The following KDM1B variants were observed in gnomAD, a reference collection of about 807,000 sequenced individuals.
KDM1B encodes the protein lysine-specific histone demethylase 2.
KDM1B carries 63 observed loss-of-function variants against 107.4 expected under a neutral mutation model. That is an observed-to-expected ratio of 0.59 (90% CI 0.48 to 0.72). KDM1B has a LOEUF of 0.72. Among genes scored for constraint, KDM1B ranks in the 30% least tolerant of loss-of-function variants. KDM1B has a pLI of 0.00. For missense variants in KDM1B, 749 were observed against 1,020.8 expected (o/e 0.73, Z 3.63); for synonymous variants, 363 against 363.9 (o/e 1.00, Z 0.03).
intron 10 of KDM1B, among the ~76,000 whole-genome samples, chr6:18,193,475 T>TG (rs1303396935): frequency 6.7e-6 from 1 of 149,262 alleles, no homozygotes; most frequent in African/African-American, 2.5e-5. Context: ...CCCAGCTAAT[T>TG]TTTTTTTTTA....
intron 6 of KDM1B, among the ~76,000 whole-genome samples, chr6:18,170,340 T>C (rs768460558): frequency 1.3e-5 from 2 of 152,228 alleles, no homozygotes; most frequent in East Asian, 3.8e-4. Flanking sequence ...GGCATAGTAC[T>C]AATAACTGTA....
rs142508501 is a variant in KDM1B at position 18,192,021 on chromosome 6, G to A, written c.969+640G>A. On this transcript the variant is annotated intron_variant, in intron 10 of 21. Coordinates refer to ENST00000650836, the MANE Select transcript of KDM1B (RefSeq NM_001364614.2). ...TGTCTGTAATTCCAGCACTTTGGGAGGCTGAGGCAGGAGGATCGCTTGAGC... is the reference window on the plus strand; with the variant it reads ...TGTCTGTAATTCCAGCACTTTGGGAAGCTGAGGCAGGAGGATCGCTTGAGC... 8.6e-3 allele frequency among the ~76,000 whole-genome samples: 1,313 copies of A among 152,286 alleles called. 16 individuals carry two copies. The highest frequency in any genetic ancestry group is 0.027 in the African/African-American group (1,114 of 41,562).
At chr6:18,177,685 A>T (rs1241710531) in intron 7 of KDM1B, among the ~76,000 whole-genome samples, 1 of 151,928 alleles carries the variant, frequency 6.6e-6, no homozygotes, top group Non-Finnish European at 1.5e-5. Flanking sequence ...CTGGGATTAC[A>T]GGCGTTAGCC....
rs537484760 is a variant in KDM1B, at chr6:18,177,545, C to CTATT, written c.534+6088_534+6091dup. On this transcript the variant is annotated intron_variant, in intron 7 of 21. Coordinates refer to ENST00000650836, the MANE Select transcript of KDM1B (RefSeq NM_001364614.2). The stretch of plus-strand genomic sequence containing the variant: ...TTTCTCTAGTTCCTTGAGGCCACAC[C>CTATT]TATTTATTTATTTATTTATTTATTT... Among the ~76,000 whole-genome samples the CTATT allele has an allele frequency of 9.7e-4, 147 of 151,164 alleles. 1 individual carries two copies. The highest frequency in any genetic ancestry group is 2.7e-3 in the African/African-American group (110 of 41,278).
chr6:18,162,990 T>C lies in KDM1B; in HGVS notation c.305+66T>C, dbSNP rs1253632268. The C allele has an allele frequency of 9.5e-6, 9 of 943,860 alleles. No individual in the cohort carries two copies. The Admixed American group carries it at 1.6e-4, about 16-fold the overall frequency. 58.5% of individuals were successfully genotyped at this position (943,860 alleles called of 1,614,324 possible). The stretch of plus-strand genomic sequence containing the variant: ...ACCGTGGCAGGGGCAGTGCGTGTGG[T>C]CAGCTGATTAAAGCTTAGTCTCGAG... On this transcript the variant is annotated intron_variant, in intron 5 of 21. Transcript: ENST00000650836. The surrounding 1 kb of genome is among the most constrained non-coding windows in gnomAD (Gnocchi z 4.1).
chr6:18,161,584 G>C (rs1469987005), intron 4 of KDM1B, 130 bp downstream of exon 4: 1 of 988,168 alleles, frequency 1.0e-6, no homozygotes, highest in African/African-American at 1.6e-5. Flanking sequence ...TAATAATAGA[G>C]ACATTGCCCA....
Position 18,215,058 on chromosome 6 carries a change from G to A in KDM1B, c.2161G>A (p.Val721Met), listed in dbSNP as rs1561956343. ...GATTGCCGGGGAGGCTGTCGCATCC[G>A]TGAGGACCCTGGATGACAAACAGGT... The part of the protein sequence containing the change: ...SVIAGEAVAS[V>M]RTLDDKQVLQ... Residue 721 changes from valine to methionine, a missense_variant, in exon 20 of 22, where the codon GTG becomes ATG. Physicochemically the swap from Val to Met is conservative, Grantham distance 21 (BLOSUM62 1). Transcript: ENST00000650836. 1.1e-5 allele frequency: 17 copies of A among 1,613,896 alleles called. No homozygotes were observed. The highest frequency in any genetic ancestry group is 1.3e-5 in the African/African-American group (1 of 74,944).
intron 20 of KDM1B, among the ~76,000 whole-genome samples, chr6:18,216,788 A>G (rs1472119145): frequency 8.5e-5 from 13 of 152,202 alleles, no homozygotes; most frequent in Admixed American, 1.3e-4. Flanking sequence ...ATAGCGTTAT[A>G]ATTGTTCTAT....
rs1789924484 is a variant in KDM1B, at chr6:18,223,340, G to GC, written c.*1354dup. 1 of 48,982 alleles carries GC rather than the reference G, an allele frequency of 2.0e-5. No homozygotes were observed. Among genetic ancestry groups the GC allele is most frequent in the Non-Finnish European group, 4.3e-5 (1 of 23,464 alleles). The allele number at this position is 48,982 out of a possible 1,614,324, so 3.0% of individuals were successfully genotyped here. A position where few individuals can be genotyped will look rare whatever the true frequency, so the allele number is the denominator to read the frequency against. Reference sequence around the variant, plus strand: ...ATTTAAGACACCTCCCCCACCGCCCGCCCCCCGCCCCCCCCAATCAAAGTG... The same window carrying GC: ...ATTTAAGACACCTCCCCCACCGCCCGCCCCCCCGCCCCCCCCAATCAAAGTG... On this transcript the variant is annotated 3_prime_UTR_variant, in exon 22 of 22. Coordinates refer to ENST00000650836, the MANE Select transcript of KDM1B (RefSeq NM_001364614.2).
rs931981325 is a variant in KDM1B, at chr6:18,205,490, A to C, written c.1532-47A>C. The stretch of plus-strand genomic sequence containing the variant: ...AAAGCAAAGGAGAAAGAATTGGAGA[A>C]TCTTGTTAAAGCTATTTTTTTCTGC... On this transcript the variant is annotated intron_variant, in intron 14 of 21. Transcript: ENST00000650836. The surrounding 1 kb of genome is among the most constrained non-coding windows in gnomAD (Gnocchi z 5.7). 6.5e-7 allele frequency: 1 copy of C among 1,527,380 alleles called. No individual in the cohort carries two copies. The highest frequency in any genetic ancestry group is 8.8e-7 in the Non-Finnish European group (1 of 1,134,252). The allele number at this position is 1,527,380 out of a possible 1,614,324, so 94.6% of individuals were successfully genotyped here.
chr6:18,158,381 A>T (rs1303819327), intron 2 of KDM1B, among the ~76,000 whole-genome samples: 1 of 150,680 alleles, frequency 6.6e-6, no homozygotes, highest in Non-Finnish European at 1.5e-5. Context: ...TGATGTTAGG[A>T]TGTGTCAAAG....
In KDM1B at chr6:18,213,827, T is replaced by C. The variant is rs753898192; in HGVS notation, c.2109+46T>C. 1.2e-6 allele frequency: 2 copies of C among 1,606,028 alleles called. No homozygotes were observed. Among genetic ancestry groups the C allele is most frequent in the Admixed American group, 1.7e-5 (1 of 59,900 alleles). ...TGGTTTGAATTTCCGTCTTAAAGTTTAGAATTTGATGTGATAATTACTCAC... is the reference window on the plus strand; with the variant it reads ...TGGTTTGAATTTCCGTCTTAAAGTTCAGAATTTGATGTGATAATTACTCAC... On this transcript the variant is annotated intron_variant, in intron 19 of 21. Coordinates refer to ENST00000650836, the MANE Select transcript of KDM1B (RefSeq NM_001364614.2). The surrounding 1 kb of genome is among the most constrained non-coding windows in gnomAD (Gnocchi z 5.9).
At chr6:18,194,719 CAAGT>C (rs961586765) in intron 10 of KDM1B, among the ~76,000 whole-genome samples, 5 of 151,630 alleles carry the variant, frequency 3.3e-5, no homozygotes, top group African/African-American at 1.2e-4. Context: ...GGCTGGTCTC[CAAGT>C]TTTGGGCTCA....
chr6:18,164,562 TA>T (rs1198444404), intron 5 of KDM1B, among the ~76,000 whole-genome samples: 1 of 152,228 alleles, frequency 6.6e-6, no homozygotes, highest in African/African-American at 2.4e-5. Flanking sequence ...ATTATTCACA[TA>T]AATATGGCTG....
At chr6:18,180,486 A>C (rs1786385344) in intron 7 of KDM1B, among the ~76,000 whole-genome samples, 1 of 152,212 alleles carries the variant, frequency 6.6e-6, no homozygotes, top group African/African-American at 2.4e-5. Flanking sequence ...TGATTCTAAA[A>C]GTTTTTTCAG....
intron 12 of KDM1B, among the ~76,000 whole-genome samples, chr6:18,198,415 G>A (rs2150964381): frequency 6.6e-6 from 1 of 150,664 alleles, no homozygotes; most frequent in East Asian, 2.0e-4. Flanking sequence ...TTTTGGTAGA[G>A]ACGGGATTTC....
chr6:18,184,712 T>A (rs1786720342), intron 7 of KDM1B, among the ~76,000 whole-genome samples: 1 of 151,018 alleles, frequency 6.6e-6, no homozygotes, highest in Non-Finnish European at 1.5e-5. Flanking sequence ...GTTGATGACC[T>A]TTGGGTTGTT....
chr6:18,184,285 T>A (rs1786683436), intron 7 of KDM1B, among the ~76,000 whole-genome samples: 1 of 148,094 alleles, frequency 6.8e-6, no homozygotes. Context: ...TTTTTTTTTT[T>A]TTTTTTTGAG....
At chr6:18,185,870 A>G in intron 8 of KDM1B, 60 bp downstream of exon 8, 1 of 1,478,812 alleles carries the variant, frequency 6.8e-7, no homozygotes, top group Admixed American at 1.7e-5. Flanking sequence ...TAAGTGTTAC[A>G]AGGAAATGAT....
Sources: allele counts gnomAD v4.1 joint callset (sites outside exome capture counted in the v4.1 genomes callset), GRCh38; gene constraint gnomAD v4.1.1; non-coding constraint Gnocchi (gnomAD v3.1); transcripts MANE v1.5; gene names NCBI Gene and HGNC (gene_info 2026-07-23, HGNC 2026-07-21).